Variants in SMAD3 observed in about 807,000 individuals in gnomAD.
SMAD3 encodes SMAD family member 3.
In SMAD3, 12 loss-of-function variants were observed where a neutral mutation model predicts 51.8. That is an observed-to-expected ratio of 0.23 (90% CI 0.15 to 0.38). The LOEUF (loss-of-function observed/expected upper bound fraction) is 0.38. Among genes scored for constraint, SMAD3 ranks in the 10% least tolerant of loss-of-function variants. The pLI is 1.00. For missense variants in SMAD3, 294 were observed against 565.6 expected, an observed-to-expected ratio of 0.52 and a Z score of 4.87; for synonymous variants, 238 against 227.7, an observed-to-expected ratio of 1.05 and a Z score of -0.41.
At chr15:67,110,272 A>G (rs1429505711) in intron 1 of SMAD3, among the ~76,000 whole-genome samples, 1 of 152,218 alleles carries the variant, frequency 6.6e-6, no homozygotes, top group African/African-American at 2.4e-5. Flanking sequence ...CAAGGCATAT[A>G]GATGCAGTGA....
chr15:67,142,303 G>A (rs554002323), intron 1 of SMAD3, among the ~76,000 whole-genome samples: 1 of 147,952 alleles, frequency 6.8e-6, no homozygotes, highest in Admixed American at 7.0e-5. Flanking sequence ...TCATCACCAT[G>A]TGTGAACATT....
At chr15:67,145,077 C>T (rs570243314) in intron 1 of SMAD3, among the ~76,000 whole-genome samples, 1 of 152,274 alleles carries the variant, frequency 6.6e-6, no homozygotes, top group South Asian at 2.1e-4. Flanking sequence ...AATGTACCCT[C>T]TTTTCCATAT....
At chr15:67,111,154 G>A (rs183916426) in intron 1 of SMAD3, among the ~76,000 whole-genome samples, 7 of 152,202 alleles carry the variant, frequency 4.6e-5, no homozygotes, top group Non-Finnish European at 1.0e-4. Flanking sequence ...GTCACTTCCT[G>A]CCCATCCCCC....
chr15:67,188,132 G>GTTTCTT (rs1294732261), intron 8 of SMAD3, among the ~76,000 whole-genome samples: 2 of 140,568 alleles, frequency 1.4e-5, no homozygotes. Flanking sequence ...CTACATACTG[G>GTTTCTT]TTTCTTTTTC....
intron 5 of SMAD3, among the ~76,000 whole-genome samples, chr15:67,171,283 T>C (rs145979570): frequency 1.3e-5 from 2 of 152,242 alleles, no homozygotes; most frequent in African/African-American, 4.8e-5. Context: ...TATCTCATGA[T>C]GTTTTGGAGT....
rs3743342 is a variant in SMAD3 at position 67,193,329 on chromosome 15, C to T, written c.*2793C>T. 52,757 of 233,310 alleles carry T rather than the reference C, an allele frequency of 0.23. 7,232 individuals are homozygous for T. Among genetic ancestry groups the T allele is most frequent in the East Asian group, 0.48 (7,936 of 16,702 alleles). 14.5% of individuals were successfully genotyped at this position (233,310 alleles called of 1,614,324 possible). A position where few individuals can be genotyped will look rare whatever the true frequency, so the allele number is the denominator to read the frequency against. On this transcript the variant is annotated 3_prime_UTR_variant, in exon 9 of 9. Coordinates refer to ENST00000327367, the MANE Select transcript of SMAD3 (RefSeq NM_005902.4). ...GGGCTCCCCGCCATGACATCTTCAC[C>T]TTGCAGCTTGTGCTGAGACTGACCC...
chr15:67,134,834 G>C (rs540538228), intron 1 of SMAD3, among the ~76,000 whole-genome samples: 7 of 152,334 alleles, frequency 4.6e-5, no homozygotes, highest in African/African-American at 1.7e-4. Flanking sequence ...TATGTGTGCT[G>C]TTGCCCCTCA....
At chr15:67,125,189 C>T (rs1357106830) in intron 1 of SMAD3, among the ~76,000 whole-genome samples, 1 of 152,226 alleles carries the variant, frequency 6.6e-6, no homozygotes, top group Non-Finnish European at 1.5e-5. Flanking sequence ...GGACCTTCCC[C>T]TCTGGACAGT....
intron 3 of SMAD3, chr15:67,166,259 T>G: frequency 4.0e-6 from 3 of 756,838 alleles, no homozygotes; most frequent in East Asian, 9.6e-5. Context: ...CTGGGGGAGG[T>G]TTCAGAGAAA....
chr15:67,092,835 A>G (rs1391418373), intron 1 of SMAD3, among the ~76,000 whole-genome samples: 2 of 152,224 alleles, frequency 1.3e-5, no homozygotes, highest in Non-Finnish European at 2.9e-5. Flanking sequence ...TGACGGTTAA[A>G]TGTAATAACA....
Position 67,170,520 on chromosome 15 carries a change from T to C in SMAD3, c.608-34T>C, listed in dbSNP as rs372638260. On this transcript the variant is annotated intron_variant, in intron 4 of 8. Transcript: ENST00000327367. The stretch of plus-strand genomic sequence containing the variant: ...ACTTGGCTCTCCAGGCCAAGAATCT[T>C]TTGTGAAGTCTCACAACTTGTCTCA... 1.8e-4 allele frequency: 283 copies of C among 1,596,198 alleles called. 1 individual carries two copies. Among genetic ancestry groups the C allele is most frequent in the Non-Finnish European group, 2.3e-4 (263 of 1,163,772 alleles).
chr15:67,186,783 C>T lies in SMAD3; in HGVS notation c.1010-582C>T, dbSNP rs77584149. On this transcript the variant is annotated intron_variant, in intron 7 of 8. Transcript: ENST00000327367. ...GCCCAGATCTCTCCTTACCTCCTAG[C>T]CCCAGCACCAGGTGTATTCATCAGA... The T allele has an allele frequency of 7.4e-3, 2,242 of 302,206 alleles. 47 individuals carry two copies. Among genetic ancestry groups the T allele is most frequent in the African/African-American group, 0.046 (2,101 of 45,332 alleles). The allele number at this position is 302,206 out of a possible 1,614,324, so 18.7% of individuals were successfully genotyped here. A position where few individuals can be genotyped will look rare whatever the true frequency, so the allele number is the denominator to read the frequency against.
chr15:67,151,654 CTAAAGT>C (rs1031338962), intron 1 of SMAD3, among the ~76,000 whole-genome samples: 1 of 152,134 alleles, frequency 6.6e-6, no homozygotes, highest in African/African-American at 2.4e-5. Context: ...TCCTTTCCCT[CTAAAGT>C]TAGAGTTTTT....
At chr15:67,125,714 T>G (rs1595914282) in intron 1 of SMAD3, 2 of 985,582 alleles carry the variant, frequency 2.0e-6, no homozygotes, top group South Asian at 9.4e-5. Flanking sequence ...GCAAACGGCC[T>G]GAAATATGAG....
At chr15:67,154,174 G>A (rs781612166) in intron 1 of SMAD3, among the ~76,000 whole-genome samples, 1 of 152,150 alleles carries the variant, frequency 6.6e-6, no homozygotes, top group Non-Finnish European at 1.5e-5. Flanking sequence ...AATATAATGG[G>A]AAGAAGTGAA....
intron 1 of SMAD3, among the ~76,000 whole-genome samples, chr15:67,147,967 C>T (rs917321879): frequency 3.3e-5 from 5 of 152,162 alleles, no homozygotes; most frequent in Non-Finnish European, 5.9e-5. Flanking sequence ...CTCTCTCATC[C>T]TTTCTGTTTG....
intron 1 of SMAD3, among the ~76,000 whole-genome samples, chr15:67,102,305 G>A (rs918131973): frequency 6.6e-6 from 1 of 151,716 alleles, no homozygotes; most frequent in Admixed American, 6.6e-5. Context: ...ATGAGTTTGT[G>A]TTGAGAGAAA....
At chr15:67,148,299 G>A (rs1271735238) in intron 1 of SMAD3, among the ~76,000 whole-genome samples, 1 of 152,074 alleles carries the variant, frequency 6.6e-6, no homozygotes, top group African/African-American at 2.4e-5. Flanking sequence ...CCAGAGGGAG[G>A]GCCACACACA....
At chr15:67,088,972 C>G (rs1479190020) in intron 1 of SMAD3, among the ~76,000 whole-genome samples, 1 of 152,118 alleles carries the variant, frequency 6.6e-6, no homozygotes, top group East Asian at 1.9e-4. Flanking sequence ...ATAGGGCTGA[C>G]TAGAGACCTT....
Sources: allele counts gnomAD v4.1 joint callset (sites outside exome capture counted in the v4.1 genomes callset), GRCh38; gene constraint gnomAD v4.1.1; transcripts MANE v1.5; gene names NCBI Gene and HGNC (gene_info 2026-07-23, HGNC 2026-07-21).